The following TENM2 variants were observed in gnomAD, a reference collection of about 807,000 sequenced individuals.
The protein encoded by TENM2 is teneurin-2.
Under a neutral mutation model 245.2 loss-of-function variants are expected in TENM2, and 52 were observed. The observed-to-expected ratio is 0.21, with a 90% CI of 0.17 to 0.27. The LOEUF (loss-of-function observed/expected upper bound fraction) is 0.27. TENM2 is among the 10% of genes least tolerant of loss of function. The pLI, the probability that TENM2 is intolerant of heterozygous loss-of-function variation, is 1.00. For missense variants in TENM2, 3,046 were observed against 3,666.8 expected (o/e 0.83, Z 4.37); for synonymous variants, 1,363 against 1,438.9 (o/e 0.95, Z 1.19).
intron 2 of TENM2, among the ~76,000 whole-genome samples, chr5:167,697,201 G>C (rs746482443): frequency 5.9e-5 from 9 of 152,174 alleles, no homozygotes; most frequent in Non-Finnish European, 1.2e-4. Flanking sequence ...CCTGAGAAAG[G>C]CTGCTCCATC....
the TENM2 span, among the ~76,000 whole-genome samples, chr5:167,185,206 T>A: frequency 6.6e-6 from 1 of 152,166 alleles, no homozygotes; most frequent in African/African-American, 2.4e-5. Flanking sequence ...GTTGCATGAC[T>A]GAATCTTTGG....
the TENM2 span, among the ~76,000 whole-genome samples, chr5:167,151,729 C>T: frequency 0.01 from 1,559 of 152,172 alleles, 25 homozygotes; most frequent in African/African-American, 0.036. Context: ...ATGTTGGCCA[C>T]GACGGTCTTG....
intron 2 of TENM2, among the ~76,000 whole-genome samples, chr5:167,517,412 T>A (rs1461986861): frequency 6.6e-6 from 1 of 152,184 alleles, no homozygotes; most frequent in Non-Finnish European, 1.5e-5. Context: ...CTATTTGAAA[T>A]ACTTCAAGGG....
chr5:167,859,698 T>C (rs1583207791), intron 2 of TENM2, among the ~76,000 whole-genome samples: 4 of 82,916 alleles, frequency 4.8e-5, no homozygotes, highest in African/African-American at 1.8e-4. Context: ...GAGGAGCCCC[T>C]CTGCCCGGCC....
rs569241709 is a variant in TENM2, at chr5:167,654,130, TA to T, written c.503-221855del. Among the ~76,000 whole-genome samples the T allele has an allele frequency of 2.0e-4, 30 of 152,256 alleles. No individual in the cohort carries two copies. In the South Asian group the frequency reaches 6.0e-3, roughly 30 times the overall value. On this transcript the variant is annotated intron_variant, in intron 2 of 28. Coordinates refer to ENST00000518659, the Ensembl canonical transcript of TENM2. ...AGTACTTTTACTAACTTTTTTTTTT[TA>T]CTACCTTTATGGGTACTGCCAGTTC...
intron 12 of TENM2, among the ~76,000 whole-genome samples, chr5:168,149,633 C>T (rs1253350517): frequency 3.9e-5 from 6 of 152,168 alleles, no homozygotes; most frequent in Non-Finnish European, 8.8e-5. Flanking sequence ...CCCTGCTGGC[C>T]AGCCTTCTAG....
chr5:167,215,632 A>G, the TENM2 span, among the ~76,000 whole-genome samples: 8 of 152,288 alleles, frequency 5.3e-5, no homozygotes, highest in South Asian at 1.7e-3. Flanking sequence ...AAGCAATCAT[A>G]GGGGATGTAG....
intron 2 of TENM2, among the ~76,000 whole-genome samples, chr5:167,447,248 A>G (rs1765285262): frequency 6.6e-6 from 1 of 152,228 alleles, no homozygotes; most frequent in Admixed American, 6.5e-5. Flanking sequence ...TTATTGTTTG[A>G]ATTAAATAAA....
chr5:167,404,754 C>T (rs144012207), intron 2 of TENM2, among the ~76,000 whole-genome samples: 14 of 152,180 alleles, frequency 9.2e-5, no homozygotes, highest in South Asian at 4.1e-4. Flanking sequence ...GTTCCTCCTG[C>T]GACTTATTTT....
chr5:167,961,032 C>T (rs1030167163), intron 4 of TENM2, among the ~76,000 whole-genome samples: 2 of 152,238 alleles, frequency 1.3e-5, no homozygotes, highest in Non-Finnish European at 2.9e-5. Context: ...GCTGTACCCA[C>T]TGTCTAACCA....
Position 167,351,563 on chromosome 5 carries a change from G to A in TENM2, c.227-23635G>A, listed in dbSNP as rs564786496. ...GGAAAGGGAAGCACTAATTCCGGTG[G>A]ACAGTTAGTTCTCTCTGTTGCTCAG... On this transcript the variant is annotated intron_variant, in intron 1 of 28. Coordinates refer to ENST00000518659, the Ensembl canonical transcript of TENM2. Among the ~76,000 whole-genome samples the A allele has an allele frequency of 5.9e-5, 9 of 152,306 alleles. No homozygotes were observed. In the South Asian group the frequency reaches 1.4e-3, roughly 25 times the overall value.
intron 4 of TENM2, among the ~76,000 whole-genome samples, chr5:167,979,779 C>T (rs1025332997): frequency 1.3e-5 from 2 of 152,102 alleles, no homozygotes; most frequent in African/African-American, 4.8e-5. Flanking sequence ...CAAAGTGCTC[C>T]TTTGAATAGA....
rs921153738 is a variant in TENM2 at position 168,123,530 on chromosome 5, C to T, written c.2009-1320C>T. ...TTTTCTGAGAATTTAAACCATAAGACGGTACGCATACACAGGAAGGATTTA... is the reference window on the plus strand; with the variant it reads ...TTTTCTGAGAATTTAAACCATAAGATGGTACGCATACACAGGAAGGATTTA... On this transcript the variant is annotated intron_variant, in intron 10 of 28. Coordinates refer to ENST00000518659, the Ensembl canonical transcript of TENM2. Among the ~76,000 whole-genome samples, 102 of 152,146 alleles carry T rather than the reference C, an allele frequency of 6.7e-4. 1 individual carries two copies. Among genetic ancestry groups the T allele is most frequent in the Non-Finnish European group, 1.6e-4 (11 of 68,018 alleles).
At chr5:167,181,212 A>C in the TENM2 span, among the ~76,000 whole-genome samples, 1 of 152,072 alleles carries the variant, frequency 6.6e-6, no homozygotes, top group Admixed American at 6.6e-5. Flanking sequence ...TGACAACAAA[A>C]ATGCTGACCT....
the TENM2 span, among the ~76,000 whole-genome samples, chr5:166,999,073 A>G: frequency 6.6e-6 from 1 of 151,348 alleles, no homozygotes; most frequent in Non-Finnish European, 1.5e-5. Flanking sequence ...AGTTTTCCAT[A>G]ATAATTTTTA....
chr5:168,148,387 A>T (rs1756302025), intron 12 of TENM2, among the ~76,000 whole-genome samples: 1 of 152,234 alleles, frequency 6.6e-6, no homozygotes, highest in African/African-American at 2.4e-5. Flanking sequence ...ACAAGCTTTC[A>T]AGAAACAGAA....
chr5:167,616,339 G>A (rs1777787091), intron 2 of TENM2, among the ~76,000 whole-genome samples: 1 of 152,152 alleles, frequency 6.6e-6, no homozygotes, highest in Non-Finnish European at 1.5e-5. Context: ...TTGATGGGGT[G>A]TGAACTGATC....
intron 1 of TENM2, among the ~76,000 whole-genome samples, chr5:167,360,500 C>T (rs1165057870): frequency 6.6e-6 from 1 of 152,112 alleles, no homozygotes; most frequent in East Asian, 1.9e-4. Context: ...TCATGTATTC[C>T]CAGCTCCCAT....
rs1779062494 is a variant in TENM2 at position 167,940,209 on chromosome 5, G to A, written c.713-12379G>A. Among the ~76,000 whole-genome samples the A allele has an allele frequency of 2.6e-5, 4 of 152,246 alleles. No homozygotes were observed. The South Asian group carries it at 8.3e-4, about 32-fold the overall frequency. ...TATACTTCAACATACTTTCATTTCT[G>A]ATGGAATTTGGAGCATTTCTCCAAT... On this transcript the variant is annotated intron_variant, in intron 3 of 28. Coordinates refer to ENST00000518659, the Ensembl canonical transcript of TENM2.
Sources: gnomAD v4.1 joint callset for allele counts (sites outside exome capture counted in the v4.1 genomes callset) on GRCh38, gnomAD v4.1.1 for gene constraint, MANE v1.5 for transcripts, NCBI Gene and HGNC (gene_info 2026-07-23, HGNC 2026-07-21) for gene names.